Variants in BCKDHB observed in about 807,000 individuals in gnomAD.
BCKDHB encodes 2-oxoisovalerate dehydrogenase subunit beta, mitochondrial.
BCKDHB carries 41 observed loss-of-function variants against 48.5 expected under a neutral mutation model. That is an observed-to-expected ratio of 0.85 (90% CI 0.66 to 1.10). BCKDHB has a LOEUF of 1.10. Among genes scored for constraint, BCKDHB ranks in the 50% least tolerant of loss-of-function variants. The probability of loss-of-function intolerance (pLI) is 0.00; values close to 1 mark genes in which losing one functional copy is unlikely to be tolerated. For missense variants in BCKDHB, 496 were observed against 494.2 expected (o/e 1.00, Z -0.03); for synonymous variants, 201 against 174.8 (o/e 1.15, Z -1.18).
At chr6:80,139,018 C>T (rs1188431945) in intron 3 of BCKDHB, among the ~76,000 whole-genome samples, 1 of 152,176 alleles carries the variant, frequency 6.6e-6, no homozygotes, top group Non-Finnish European at 1.5e-5. Flanking sequence ...GATGATATCT[C>T]ATTGTGGTTT....
the BCKDHB span, among the ~76,000 whole-genome samples, chr6:80,463,651 T>C: frequency 6.6e-6 from 1 of 152,196 alleles, no homozygotes; most frequent in Non-Finnish European, 1.5e-5. Flanking sequence ...TTGTTTAAAG[T>C]TCCTATCCAT....
the BCKDHB span, among the ~76,000 whole-genome samples, chr6:80,389,104 T>C: frequency 1.3e-5 from 2 of 152,222 alleles, no homozygotes; most frequent in Non-Finnish European, 2.9e-5. Context: ...TTGTATCCCA[T>C]GTGAGTGCTC....
intron 8 of BCKDHB, among the ~76,000 whole-genome samples, chr6:80,226,810 A>G (rs1037186751): frequency 2.6e-5 from 4 of 152,192 alleles, no homozygotes; most frequent in African/African-American, 9.7e-5. Flanking sequence ...CATTAAGCAT[A>G]TTATGCTGCC....
At chr6:80,409,806 C>T in the BCKDHB span, among the ~76,000 whole-genome samples, 2 of 151,382 alleles carry the variant, frequency 1.3e-5, no homozygotes, top group East Asian at 2.0e-4. Flanking sequence ...TTATTTTGAG[C>T]CTATGTGTGT....
chr6:80,250,897 A>G (rs1161760300), intron 8 of BCKDHB, among the ~76,000 whole-genome samples: 3 of 152,198 alleles, frequency 2.0e-5, no homozygotes, highest in Non-Finnish European at 4.4e-5. Flanking sequence ...TAATGTAATT[A>G]TGATATAAAG....
chr6:80,308,599 T>TC (rs200093255), intron 9 of BCKDHB, among the ~76,000 whole-genome samples: 13 of 115,598 alleles, frequency 1.1e-4, no homozygotes, highest in East Asian at 7.8e-4. Flanking sequence ...TTCTTCTTCT[T>TC]TTTTTTTTTT....
the BCKDHB span, among the ~76,000 whole-genome samples, chr6:80,416,861 C>A: frequency 6.6e-6 from 1 of 151,238 alleles, no homozygotes; most frequent in African/African-American, 2.4e-5. Context: ...GTGGAGAGTT[C>A]TATAAATGCC....
chr6:80,374,840 G>A, the BCKDHB span, among the ~76,000 whole-genome samples: 1 of 152,136 alleles, frequency 6.6e-6, no homozygotes, highest in South Asian at 2.1e-4. Context: ...TGTAGTACTA[G>A]CTTGGTTATG....
intron 6 of BCKDHB, among the ~76,000 whole-genome samples, chr6:80,176,015 T>C (rs1582289866): frequency 1.3e-5 from 2 of 152,102 alleles, no homozygotes; most frequent in East Asian, 3.9e-4. Flanking sequence ...CCTCCAAGGC[T>C]TAGTGTAGGA....
chr6:80,227,863 CT>C (rs1393432883), intron 8 of BCKDHB, among the ~76,000 whole-genome samples: 1 of 152,074 alleles, frequency 6.6e-6, no homozygotes, highest in Non-Finnish European at 1.5e-5. Flanking sequence ...AGTTCCCTTG[CT>C]TTTTATTCCT....
At chr6:80,107,403 T>C (rs1769140821) in intron 1 of BCKDHB, among the ~76,000 whole-genome samples, 1 of 131,876 alleles carries the variant, frequency 7.6e-6, no homozygotes, top group African/African-American at 2.8e-5. Context: ...GGTTTCTTCT[T>C]ACATACAGAA....
the BCKDHB span, among the ~76,000 whole-genome samples, chr6:80,439,622 T>C: frequency 1.2e-3 from 188 of 152,320 alleles, no homozygotes; most frequent in Middle Eastern, 0.014. Context: ...ACTTTAATCC[T>C]GGGCCACTTT....
At chr6:80,329,204 T>G (rs1341278) in intron 9 of BCKDHB, among the ~76,000 whole-genome samples, 9,024 of 152,240 alleles carry the variant, frequency 0.059, 288 homozygotes, top group East Asian at 0.11. Context: ...CTATTTTAAT[T>G]TTTCTAAGTT....
the BCKDHB span, among the ~76,000 whole-genome samples, chr6:80,403,318 G>T: frequency 9.2e-5 from 14 of 151,522 alleles, no homozygotes; most frequent in African/African-American, 3.4e-4. Context: ...CACTTCTTTG[G>T]TTAAATTTAT....
intron 3 of BCKDHB, among the ~76,000 whole-genome samples, chr6:80,155,626 T>C (rs1423539992): frequency 6.6e-6 from 1 of 152,152 alleles, no homozygotes; most frequent in Non-Finnish European, 1.5e-5. Flanking sequence ...TTACAGATCA[T>C]TGAATTATCA....
intron 3 of BCKDHB, among the ~76,000 whole-genome samples, chr6:80,164,489 T>C (rs1353809719): frequency 6.6e-6 from 1 of 152,198 alleles, no homozygotes; most frequent in Non-Finnish European, 1.5e-5. Flanking sequence ...CCTACTCCCC[T>C]GGTTCATCAT....
intron 8 of BCKDHB, among the ~76,000 whole-genome samples, chr6:80,268,893 A>C (rs1021947668): frequency 6.6e-6 from 1 of 152,146 alleles, no homozygotes; most frequent in Non-Finnish European, 1.5e-5. Flanking sequence ...TTAAAACTAC[A>C]TTAAAATACC....
the BCKDHB span, among the ~76,000 whole-genome samples, chr6:80,383,419 A>G: frequency 6.6e-6 from 1 of 152,126 alleles, no homozygotes; most frequent in Non-Finnish European, 1.5e-5. Flanking sequence ...TTAAATGCAT[A>G]GAAAACAATT....
the BCKDHB span, among the ~76,000 whole-genome samples, chr6:80,423,434 C>T: frequency 1.2e-4 from 18 of 152,252 alleles, no homozygotes; most frequent in Admixed American, 2.6e-4. Flanking sequence ...CTCTTGAAGG[C>T]GATATGGGTT....
Sources: allele counts gnomAD v4.1 joint callset (sites outside exome capture counted in the v4.1 genomes callset), GRCh38; gene constraint gnomAD v4.1.1; transcripts MANE v1.5; gene names NCBI Gene and HGNC (gene_info 2026-07-23, HGNC 2026-07-21).